The following BEAN1 variants were observed in gnomAD, a reference collection of about 807,000 sequenced individuals.
The protein encoded by BEAN1 is protein BEAN1.
A neutral mutation model predicts 17.7 loss-of-function variants in BEAN1; 17 were observed. The observed-to-expected ratio is 0.96, with a 90% CI of 0.66 to 1.44. The LOEUF is 1.44. Among genes scored for constraint, BEAN1 ranks in the 40% most tolerant of loss-of-function variants. The pLI is 0.00. For synonymous variants in BEAN1, 142 were observed against 151.8 expected, an observed-to-expected ratio of 0.94 and a Z score of 0.47; for missense variants, 359 against 374.1, an observed-to-expected ratio of 0.96 and a Z score of 0.33.
At chr16:66,493,293 G>A (rs1412540464) in exon 5 of BEAN1, 1 of 702,102 alleles carries the variant, frequency 1.4e-6, no homozygotes, top group Non-Finnish European at 2.6e-6. Context: ...GGTTCCGGGG[G>A]ACCACAGCAA....
rs114659961 is a variant in BEAN1, at chr16:66,474,322, T to A, written c.290-3238T>A. Among the ~76,000 whole-genome samples the A allele has an allele frequency of 7.8e-3, 1,186 of 151,838 alleles. 11 individuals are homozygous for A. The highest frequency in any genetic ancestry group is 0.027 in the African/African-American group (1,134 of 41,362). ...ACCTGCTCCCAGGCCACTGCACTAA[T>A]GTCAGCTGTCCCTGCCTGCCAGCCA... On this transcript the variant is annotated intron_variant, in intron 3 of 4. Transcript: ENST00000536005.
In BEAN1 at chr16:66,473,154, G is replaced by A. The variant is rs905964711; in HGVS notation, c.289+3289G>A. Reference sequence around the variant, plus strand: ...AGAGGGCTGAGGGGTTGGCCTTGGCGCAGAGGAAAGAGATGGGCTTAGGGG... The same window carrying A: ...AGAGGGCTGAGGGGTTGGCCTTGGCACAGAGGAAAGAGATGGGCTTAGGGG... On this transcript the variant is annotated intron_variant, in intron 3 of 4. Coordinates refer to ENST00000536005, the MANE Select transcript of BEAN1 (RefSeq NM_001178020.3). This position sits in a 1 kb window ranked among gnomAD's most constrained non-coding sequence, Gnocchi z 4.5. 2.0e-5 allele frequency among the ~76,000 whole-genome samples: 3 copies of A among 152,182 alleles called. No homozygotes were observed. Among genetic ancestry groups the A allele is most frequent in the Admixed American group, 6.5e-5 (1 of 15,288 alleles).
chr16:66,470,178 GGATGGATGGAT>G (rs1963426094), intron 3 of BEAN1: 1 of 345,600 alleles, frequency 2.9e-6, no homozygotes, highest in East Asian at 6.6e-5. Context: ...CTCGATGGAT[GGATGGATGGAT>G]GGATGGATGG....
intron 2 of BEAN1, among the ~76,000 whole-genome samples, chr16:66,457,297 T>C (rs1324936793): frequency 6.6e-6 from 1 of 152,142 alleles, no homozygotes; most frequent in African/African-American, 2.4e-5. Context: ...GATGCATAGA[T>C]AGGTAAATGC....
intron 2 of BEAN1, among the ~76,000 whole-genome samples, chr16:66,465,440 G>A (rs1356161909): frequency 1.3e-5 from 2 of 152,114 alleles, no homozygotes; most frequent in African/African-American, 4.8e-5. Context: ...CCTCTTCTAT[G>A]TTTTAGAAAA....
downstream of BEAN1, among the ~76,000 whole-genome samples, chr16:66,486,693 T>TG (rs1311180591): frequency 6.6e-6 from 1 of 152,134 alleles, no homozygotes; most frequent in Non-Finnish European, 1.5e-5. Context: ...TCTCCTGGAA[T>TG]GGGTTCTGCA....
At chr16:66,449,882 C>T (rs1236687635) in intron 2 of BEAN1, among the ~76,000 whole-genome samples, 3 of 152,066 alleles carry the variant, frequency 2.0e-5, no homozygotes, top group South Asian at 2.1e-4. Context: ...AGTGTGCTGG[C>T]GTGTCTACCA....
Position 66,480,969 on chromosome 16 carries a change from C to A in BEAN1, c.*44C>A, listed in dbSNP as rs553159401. The A allele has an allele frequency of 2.9e-6, 4 of 1,370,462 alleles. No homozygotes were observed. In the African/African-American group the frequency reaches 5.9e-5, roughly 20 times the overall value. 84.9% of individuals were successfully genotyped at this position (1,370,462 alleles called of 1,614,324 possible). ...TCCTGCTGGTCCCTACAGGCTGAAC[C>A]ACATTCTTTAGGCACACAAAGGCGT... On this transcript the variant is annotated 3_prime_UTR_variant, in exon 5 of 5. Transcript: ENST00000536005.
chr16:66,465,723 G>A (rs930566659), intron 2 of BEAN1, among the ~76,000 whole-genome samples: 1 of 152,218 alleles, frequency 6.6e-6, no homozygotes, highest in Non-Finnish European at 1.5e-5. Flanking sequence ...TTTTCTTTCC[G>A]GAAAAAGAAG....
intron 2 of BEAN1, among the ~76,000 whole-genome samples, chr16:66,445,797 G>C (rs66490316): frequency 1.3e-5 from 2 of 152,150 alleles, no homozygotes; most frequent in African/African-American, 2.4e-5. Context: ...AGTCATTGGA[G>C]GGGTTTGAGC....
At chr16:66,484,207 A>C, downstream of BEAN1, 1 of 257,312 alleles carries the variant, frequency 3.9e-6, no homozygotes, top group Non-Finnish European at 7.7e-6. The surrounding 1 kb of genome is among the most constrained non-coding windows in gnomAD (Gnocchi z 4.2). Context: ...TCTGTTCTGA[A>C]CATCACTAGG....
At chr16:66,444,900 G>C (rs1962387996) in intron 2 of BEAN1, among the ~76,000 whole-genome samples, 1 of 152,250 alleles carries the variant, frequency 6.6e-6, no homozygotes, top group African/African-American at 2.4e-5. Flanking sequence ...GAAGCCTGAG[G>C]CTGGGTTATC....
intron 1 of BEAN1, among the ~76,000 whole-genome samples, chr16:66,437,104 G>A (rs1037421936): frequency 6.6e-6 from 1 of 150,888 alleles, no homozygotes; most frequent in Non-Finnish European, 1.5e-5. Context: ...TTATGTTGGG[G>A]TAATAATAAT....
At chr16:66,484,448 A>T (rs1964056432), downstream of BEAN1, 1 of 379,410 alleles carries the variant, frequency 2.6e-6, no homozygotes, top group Non-Finnish European at 5.2e-6. The surrounding 1 kb of genome is among the most constrained non-coding windows in gnomAD (Gnocchi z 4.2). Flanking sequence ...GGTGTGTCAC[A>T]TATGGCACCA....
At chr16:66,480,125 TG>T (rs1296502928) in intron 4 of BEAN1, among the ~76,000 whole-genome samples, 1 of 152,052 alleles carries the variant, frequency 6.6e-6, no homozygotes, top group African/African-American at 2.4e-5. Flanking sequence ...TTCGGGGCAA[TG>T]GGTGCTCTTT....
At chr16:66,449,475 T>TGG (rs1730489047) in intron 2 of BEAN1, among the ~76,000 whole-genome samples, 2 of 151,442 alleles carry the variant, frequency 1.3e-5, no homozygotes, top group Admixed American at 1.3e-4. Context: ...GGCATGGTGG[T>TGG]GCATGCCTGT....
At chr16:66,467,225 G>A (rs965885061) in intron 2 of BEAN1, among the ~76,000 whole-genome samples, 7 of 152,190 alleles carry the variant, frequency 4.6e-5, no homozygotes, top group Admixed American at 4.6e-4. Flanking sequence ...CAGGACCAGG[G>A]CTAATCAGAA....
intron 1 of BEAN1, chr16:66,428,411 A>G (rs1961665350): frequency 6.6e-6 from 1 of 152,260 alleles, no homozygotes; most frequent in South Asian, 2.1e-4. Context: ...TGCCGAGAGC[A>G]TGCCGCTCTG....
intron 2 of BEAN1, among the ~76,000 whole-genome samples, chr16:66,457,166 G>T (rs556649278): frequency 4.1e-4 from 62 of 152,264 alleles, no homozygotes; most frequent in African/African-American, 1.5e-3. Flanking sequence ...CATATATCCA[G>T]GCATGAATTA....
Sources: allele counts gnomAD v4.1 joint callset (sites outside exome capture counted in the v4.1 genomes callset), GRCh38; gene constraint gnomAD v4.1.1; non-coding constraint Gnocchi (gnomAD v3.1); transcripts MANE v1.5; gene names NCBI Gene and HGNC (gene_info 2026-07-23, HGNC 2026-07-21).